The following RAP1GAP variants were observed in gnomAD, a reference collection of about 807,000 sequenced individuals.
RAP1GAP encodes rap1 GTPase-activating protein 1.
In RAP1GAP, 35 loss-of-function variants were observed where a neutral mutation model predicts 87.2. That is an observed-to-expected ratio of 0.40 (90% CI 0.31 to 0.53). RAP1GAP has a LOEUF of 0.53. RAP1GAP is among the 20% of genes least tolerant of loss of function. The pLI, the probability that RAP1GAP is intolerant of heterozygous loss-of-function variation, is 0.48. For missense variants in RAP1GAP, 734 were observed against 898.9 expected (o/e 0.82, Z 2.35); for synonymous variants, 375 against 363.9 (o/e 1.03, Z -0.35).
intron 2 of RAP1GAP, 91 bp downstream of exon 2, chr1:21,649,670 G>A: frequency 1.4e-6 from 2 of 1,408,122 alleles, no homozygotes; most frequent in Middle Eastern, 1.8e-4. Flanking sequence ...GTAAGGTCTG[G>A]CCTGGCATCG....
intron 19 of RAP1GAP, among the ~76,000 whole-genome samples, chr1:21,602,199 C>T (rs2069202881): frequency 6.6e-6 from 1 of 152,234 alleles, no homozygotes; most frequent in African/African-American, 2.4e-5. Flanking sequence ...GGGACCTGGC[C>T]CTGGCCTCAC....
chr1:21,643,135 C>T (rs532651863), intron 2 of RAP1GAP, among the ~76,000 whole-genome samples: 392 of 152,334 alleles, frequency 2.6e-3, no homozygotes, highest in Non-Finnish European at 3.3e-3. Flanking sequence ...AAGTCCCCAA[C>T]GCCCAGCACA....
At chr1:21,597,766 CGGGAGAA>C (rs1558578493) in intron 23 of RAP1GAP, 38 bp from the exon 24 acceptor site, 2 of 1,611,488 alleles carry the variant, frequency 1.2e-6, no homozygotes, top group Admixed American at 3.3e-5. Flanking sequence ...GGTGGCAAGA[CGGGAGAA>C]GCAACGGGGC....
chr1:21,620,852 A>ACTCT (rs35090439), intron 3 of RAP1GAP, among the ~76,000 whole-genome samples: 5 of 149,746 alleles, frequency 3.3e-5, no homozygotes, highest in South Asian at 2.1e-4. Flanking sequence ...AAGCACGCAC[A>ACTCT]CTCTCTCTCT....
At chr1:21,599,426 C>T (rs780935111) in intron 21 of RAP1GAP, 68 bp downstream of exon 21, 2 of 1,549,892 alleles carry the variant, frequency 1.3e-6, no homozygotes, top group Non-Finnish European at 1.7e-6. Flanking sequence ...CTACTCAGGG[C>T]ATCTCCAGGG....
intron 2 of RAP1GAP, among the ~76,000 whole-genome samples, chr1:21,635,062 A>G (rs2094462624): frequency 6.6e-6 from 1 of 152,206 alleles, no homozygotes; most frequent in South Asian, 2.1e-4. Flanking sequence ...TTCTGCCTGG[A>G]AGAAAACTGG....
intron 24 of RAP1GAP, 137 bp downstream of exon 24, chr1:21,597,548 CT>C (rs1645775120): frequency 1.1e-6 from 1 of 877,818 alleles, no homozygotes; most frequent in Admixed American, 3.2e-5. Flanking sequence ...CACCCAGCAA[CT>C]GAGGACCAGG....
intron 2 of RAP1GAP, among the ~76,000 whole-genome samples, chr1:21,649,429 G>A (rs1026953151): frequency 3.9e-5 from 6 of 152,090 alleles, no homozygotes; most frequent in Admixed American, 3.9e-4. Flanking sequence ...GCCAGTTTTT[G>A]GTTTTGTTCT....
At chr1:21,661,396 C>A (rs1452059897) in intron 1 of RAP1GAP, among the ~76,000 whole-genome samples, 3 of 152,134 alleles carry the variant, frequency 2.0e-5, no homozygotes, top group African/African-American at 2.4e-5. Context: ...AGTGAGCACT[C>A]CATAAATGTT....
rs762373049 is a variant in RAP1GAP at position 21,609,564 on chromosome 1, G to T, written c.1071+11C>A. The T allele has an allele frequency of 8.7e-6, 13 of 1,493,564 alleles. No homozygotes were observed. The highest frequency in any genetic ancestry group is 1.2e-5 in the Non-Finnish European group (13 of 1,104,938). 92.5% of individuals were successfully genotyped at this position (1,493,564 alleles called of 1,614,324 possible). ...TCCTGCTCTGCCCATGACTGGGGGGGTGCCCCTCACCTTCCTGAACACAGC... is the reference window on the plus strand; with the variant it reads ...TCCTGCTCTGCCCATGACTGGGGGGTTGCCCCTCACCTTCCTGAACACAGC... On this transcript the variant is annotated intron_variant, in intron 15 of 24. Coordinates refer to ENST00000374765, the MANE Select transcript of RAP1GAP (RefSeq NM_002885.4). This position sits in a 1 kb window ranked among gnomAD's most constrained non-coding sequence, Gnocchi z 4.4.
In RAP1GAP at chr1:21,662,908, C is replaced by G. The variant is rs117692857; in HGVS notation, c.-149+6346G>C. Among the ~76,000 whole-genome samples the G allele has an allele frequency of 5.2e-4, 79 of 152,258 alleles. 1 individual carries two copies. In the East Asian group the frequency reaches 0.015, roughly 29 times the overall value. On this transcript the variant is annotated intron_variant, in intron 1 of 24. Transcript: ENST00000374765. ...TCCATGAAAAGTGCTTACATAGGGCCCAGCACACTGCAAGTGCTCAATGAA... is the reference window on the plus strand; with the variant it reads ...TCCATGAAAAGTGCTTACATAGGGCGCAGCACACTGCAAGTGCTCAATGAA...
At chr1:21,632,496 C>T (rs937560447) in intron 2 of RAP1GAP, among the ~76,000 whole-genome samples, 6 of 152,180 alleles carry the variant, frequency 3.9e-5, no homozygotes, top group African/African-American at 7.2e-5. Flanking sequence ...GGTGAAAACA[C>T]GACCTCAAAG....
At chr1:21,620,197 C>T in intron 3 of RAP1GAP, 147 bp from the exon 4 acceptor site, 8 of 801,470 alleles carry the variant, frequency 1.0e-5, no homozygotes, top group South Asian at 8.2e-5. Context: ...ACGGGAGCAT[C>T]GTGGGAGGGG....
Position 21,610,397 on chromosome 1 carries a change from C to A in RAP1GAP, c.844-122G>T, listed in dbSNP as rs191172061. 3.1e-4 allele frequency: 333 copies of A among 1,061,790 alleles called. 1 individual carries two copies. The African/African-American group carries it at 4.8e-3, about 15-fold the overall frequency. 65.8% of individuals were successfully genotyped at this position (1,061,790 alleles called of 1,614,324 possible). On this transcript the variant is annotated intron_variant, in intron 13 of 24. Coordinates refer to ENST00000374765, the MANE Select transcript of RAP1GAP (RefSeq NM_002885.4). Reference sequence around the variant, plus strand: ...AGGGCACATCTAAGGATTTGCTTTCCCCAAAATAATGTAGCAAAAAAACTT... The same window carrying A: ...AGGGCACATCTAAGGATTTGCTTTCACCAAAATAATGTAGCAAAAAAACTT...
chr1:21,640,636 T>C (rs1485363715), intron 2 of RAP1GAP, among the ~76,000 whole-genome samples: 1 of 152,228 alleles, frequency 6.6e-6, no homozygotes, highest in Non-Finnish European at 1.5e-5. Context: ...GTGCCTAGGC[T>C]GGCTGGGGTG....
intron 2 of RAP1GAP, among the ~76,000 whole-genome samples, chr1:21,640,519 G>A (rs1461117346): frequency 6.6e-6 from 1 of 152,218 alleles, no homozygotes; most frequent in Non-Finnish European, 1.5e-5. Flanking sequence ...GTCTATGAGT[G>A]TGAGTAGGGA....
At position 21,622,498 on chromosome 1, in the gene RAP1GAP, G is replaced by A. The variant is rs1020997791; in HGVS notation, c.-18-2448C>T. The A allele has an allele frequency of 5.8e-5, 9 of 153,902 alleles. No homozygotes were observed. Among genetic ancestry groups the A allele is most frequent in the African/African-American group, 2.2e-4 (9 of 40,968 alleles). 9.5% of individuals were successfully genotyped at this position (153,902 alleles called of 1,614,324 possible). A position where few individuals can be genotyped will look rare whatever the true frequency, so the allele number is the denominator to read the frequency against. ...CCTGGCCCGCGCGCGCCCGGGTCCG[G>A]GCCCCGCAGCGCTGAGCTCCGCGCT... On this transcript the variant is annotated intron_variant, in intron 3 of 24. Coordinates refer to ENST00000374765, the MANE Select transcript of RAP1GAP (RefSeq NM_002885.4). This position sits in a 1 kb window ranked among gnomAD's most constrained non-coding sequence, Gnocchi z 5.7.
At chr1:21,611,176 C>G (rs2077986262) in intron 13 of RAP1GAP, among the ~76,000 whole-genome samples, 1 of 152,236 alleles carries the variant, frequency 6.6e-6, no homozygotes, top group Non-Finnish European at 1.5e-5. Context: ...AACACCAGCT[C>G]AGATCTGCTG....
chr1:21,604,517 G>A (rs1280702462), intron 18 of RAP1GAP, among the ~76,000 whole-genome samples: 1 of 152,162 alleles, frequency 6.6e-6, no homozygotes, highest in Admixed American at 6.5e-5. Flanking sequence ...AATGGGTCCG[G>A]TTACTGCCAT....
Sources: gnomAD v4.1 joint callset for allele counts (sites outside exome capture counted in the v4.1 genomes callset) on GRCh38, gnomAD v4.1.1 for gene constraint, Gnocchi (gnomAD v3.1) non-coding constraint, MANE v1.5 for transcripts, NCBI Gene and HGNC (gene_info 2026-07-23, HGNC 2026-07-21) for gene names.